Variants in SANBR observed in about 807,000 individuals in gnomAD.
SANBR encodes the protein SANT and BTB domain regulator of CSR.
In SANBR, 77 loss-of-function variants were observed where a neutral mutation model predicts 101.8. That is an observed-to-expected ratio of 0.76 (90% CI 0.63 to 0.91). The LOEUF (loss-of-function observed/expected upper bound fraction) is 0.91, where lower values mean the gene tolerates loss of function less well. Among genes scored for constraint, SANBR ranks in the 40% least tolerant of loss-of-function variants. SANBR has a pLI of 0.00. For missense variants in SANBR, 875 were observed against 853.0 expected (o/e 1.03, Z -0.32); for synonymous variants, 279 against 274.7 (o/e 1.02, Z -0.15).
chr2:61,068,758 A>G (rs1352235556), intron 1 of SANBR, 91 bp from the exon 2 acceptor site: 1 of 152,374 alleles, frequency 6.6e-6, no homozygotes, highest in Non-Finnish European at 1.5e-5. Context: ...TGCTACACAC[A>G]TTATGTAGTC....
At chr2:61,115,348 T>A (rs148264908) in intron 16 of SANBR, among the ~76,000 whole-genome samples, 5,043 of 131,282 alleles carry the variant, frequency 0.038, 110 homozygotes, top group Admixed American at 0.079. Context: ...ATATATATAT[T>A]TTTTTTTTGA....
chr2:61,073,798 CTT>C (rs1290777496), intron 5 of SANBR, among the ~76,000 whole-genome samples: 12 of 151,788 alleles, frequency 7.9e-5, no homozygotes, highest in Non-Finnish European at 1.5e-4. Context: ...AGTAATATCT[CTT>C]AACACAAAAC....
At chr2:61,133,928 G>A (rs745739747) in intron 20 of SANBR, among the ~76,000 whole-genome samples, 5 of 152,150 alleles carry the variant, frequency 3.3e-5, no homozygotes, top group Non-Finnish European at 4.4e-5. Flanking sequence ...TTAAATGGGC[G>A]AATTGTATGA....
chr2:61,101,460 G>C (rs188043441), intron 12 of SANBR, among the ~76,000 whole-genome samples: 2 of 152,286 alleles, frequency 1.3e-5, no homozygotes, highest in South Asian at 4.1e-4. Context: ...TTGGCTGGGC[G>C]CTGTGGCTCA....
exon 21 of SANBR, chr2:61,134,265 G>GC: frequency 6.4e-7 from 1 of 1,564,602 alleles, no homozygotes; most frequent in Non-Finnish European, 8.7e-7. Context: ...TTGGAATACT[G>GC]CTTGACATAT....
chr2:61,076,894 C>T (rs1559079156), intron 5 of SANBR, 26 bp from the exon 6 acceptor site: 1 of 1,510,758 alleles, frequency 6.6e-7, no homozygotes, highest in Non-Finnish European at 9.2e-7. Flanking sequence ...CTAATAATTT[C>T]ATTTTTGTGT....
intron 21 of SANBR, 35 bp from the exon 22 acceptor site, chr2:61,122,091 C>T (rs1376437517): frequency 1.3e-6 from 2 of 1,544,656 alleles, no homozygotes; most frequent in East Asian, 2.4e-5. Flanking sequence ...GTTTTAGAAG[C>T]AATTCTGACC....
Position 61,106,595 on chromosome 2 carries a change from G to T in SANBR, c.1544G>T (p.Gly515Val). 1.2e-6 allele frequency: 2 copies of T among 1,602,682 alleles called. No individual in the cohort carries two copies. Among genetic ancestry groups the T allele is most frequent in the Non-Finnish European group, 1.7e-6 (2 of 1,176,324 alleles). Reference sequence around the variant, plus strand: ...GGGGTTGGCCTCTGTGATGAAAAGGGTATAGAATGTGATGTTTTACTGGAG... The same window carrying T: ...GGGGTTGGCCTCTGTGATGAAAAGGTTATAGAATGTGATGTTTTACTGGAG... ...DVGVGLCDEKGIECDVLLEPN... is the reference protein window; with the variant it reads ...DVGVGLCDEKVIECDVLLEPN... Residue 515 changes from glycine to valine, a missense_variant, in exon 14 of 22, where the codon GGT (glycine) becomes GTT (valine). Transcript: ENST00000402291.
intron 8 of SANBR, among the ~76,000 whole-genome samples, chr2:61,087,938 T>G (rs1682530944): frequency 6.6e-6 from 1 of 151,994 alleles, no homozygotes; most frequent in Non-Finnish European, 1.5e-5. Flanking sequence ...GGAAAATAGA[T>G]GATTGATCAA....
At position 61,123,238 on chromosome 2, in the gene SANBR, T is replaced by G. The variant is rs1420183146; in HGVS notation, c.*1076T>G. The G allele has an allele frequency of 3.1e-6, 3 of 972,912 alleles. No individual in the cohort carries two copies. The highest frequency in any genetic ancestry group is 3.7e-6 in the Non-Finnish European group (3 of 818,528). 60.3% of individuals were successfully genotyped at this position (972,912 alleles called of 1,614,324 possible). On this transcript the variant is annotated 3_prime_UTR_variant, in exon 22 of 22. Transcript: ENST00000402291. ...CTGAAAAACTTTAAGATGCACTGTTTCTATTTTTTTAAGTCTTAATTTGCC... is the reference window on the plus strand; with the variant it reads ...CTGAAAAACTTTAAGATGCACTGTTGCTATTTTTTTAAGTCTTAATTTGCC...
intron 3 of SANBR, 64 bp downstream of exon 3, chr2:61,070,564 A>C: frequency 1.4e-6 from 2 of 1,464,022 alleles, no homozygotes; most frequent in Non-Finnish European, 1.9e-6. Context: ...AATTTAAAGA[A>C]ACACCAAGAG....
chr2:61,108,607 A>G (rs1313586400), intron 15 of SANBR, among the ~76,000 whole-genome samples: 1 of 151,964 alleles, frequency 6.6e-6, no homozygotes, highest in African/African-American at 2.4e-5. Flanking sequence ...TATTTAGGAC[A>G]TTGAACAAAG....
chr2:61,102,316 G>A (rs1169128506), intron 12 of SANBR, among the ~76,000 whole-genome samples: 5 of 136,568 alleles, frequency 3.7e-5, no homozygotes, highest in Admixed American at 8.3e-5. Context: ...GCGGAGACCC[G>A]CGATCGTACC....
chr2:61,132,969 T>A (rs916255877), intron 20 of SANBR, among the ~76,000 whole-genome samples: 1 of 152,146 alleles, frequency 6.6e-6, no homozygotes, highest in Non-Finnish European at 1.5e-5. Context: ...TGTTAGGGAC[T>A]GGCCAGGTGC....
At chr2:61,118,157 T>C (rs1253317551) in intron 20 of SANBR, 41 bp downstream of exon 20, 2 of 1,290,004 alleles carry the variant, frequency 1.6e-6, no homozygotes, top group Non-Finnish European at 2.2e-6. Context: ...GTGTAAAATA[T>C]GCCTTCCTAC....
intron 6 of SANBR, among the ~76,000 whole-genome samples, chr2:61,077,512 A>T (rs944450845): frequency 2.0e-5 from 3 of 152,122 alleles, no homozygotes; most frequent in African/African-American, 7.2e-5. Context: ...TAGTGGGTAA[A>T]ACTGTTGAAG....
chr2:61,114,588 A>G (rs753484485), intron 16 of SANBR, among the ~76,000 whole-genome samples: 9 of 152,190 alleles, frequency 5.9e-5, no homozygotes, highest in Non-Finnish European at 7.3e-5. Context: ...CTGAACTCCT[A>G]CATCTCACTG....
intron 21 of SANBR, among the ~76,000 whole-genome samples, chr2:61,134,690 A>C (rs1401848360): frequency 6.6e-6 from 1 of 152,082 alleles, no homozygotes; most frequent in Non-Finnish European, 1.5e-5. Flanking sequence ...GTCAGGATTG[A>C]GACCATCCTG....
intron 13 of SANBR, among the ~76,000 whole-genome samples, chr2:61,106,119 G>A (rs193068730): frequency 1.7e-3 from 265 of 152,132 alleles, no homozygotes; most frequent in Non-Finnish European, 3.0e-3. Context: ...TTGGCTGGGC[G>A]CGGTGGCTCA....
Sources: gnomAD v4.1 joint callset for allele counts (sites outside exome capture counted in the v4.1 genomes callset) on GRCh38, gnomAD v4.1.1 for gene constraint, MANE v1.5 for transcripts, NCBI Gene and HGNC (gene_info 2026-07-23, HGNC 2026-07-21) for gene names.